ABL2: variants seen among roughly 807,000 people sequenced by gnomAD.
ABL2 encodes ABL proto-oncogene 2, non-receptor tyrosine kinase, also known as tyrosine-protein kinase ABL2.
A neutral mutation model predicts 107.7 loss-of-function variants in ABL2; 49 were observed. That is an observed-to-expected ratio of 0.45 (90% CI 0.36 to 0.58). ABL2 has a LOEUF of 0.58. Among genes scored for constraint, ABL2 ranks in the 20% least tolerant of loss-of-function variants. ABL2 has a pLI of 0.00. For missense variants in ABL2, 1,245 were observed against 1,457.0 expected (o/e 0.85, Z 2.37); for synonymous variants, 549 against 548.6 (o/e 1.00, Z -0.01).
chr1:179,133,778 C>T (rs750885036), intron 1 of ABL2, among the ~76,000 whole-genome samples: 16 of 152,316 alleles, frequency 1.1e-4, no homozygotes, highest in Middle Eastern at 3.4e-3. Flanking sequence ...CCTACACATA[C>T]ATAACCATGA....
At chr1:179,133,086 T>A (rs1466427121) in intron 2 of ABL2, among the ~76,000 whole-genome samples, 1 of 151,388 alleles carries the variant, frequency 6.6e-6, no homozygotes, top group Non-Finnish European at 1.5e-5. Context: ...CTTGAACTCC[T>A]GACCTTGTGA....
At position 179,131,468 on chromosome 1, in the gene ABL2, A is replaced by T. The variant is rs1288916561; in HGVS notation, c.234T>A (p.Arg78=). The T allele has an allele frequency of 4.3e-6, 7 of 1,613,878 alleles. No individual in the cohort carries two copies. In the East Asian group the frequency reaches 1.6e-4, roughly 36 times the overall value. The change falls in exon 3 of 12, where the codon CGT becomes CGA. Residue 78 remains arginine, a synonymous_variant. Coordinates refer to ENST00000502732, the MANE Select transcript of ABL2 (RefSeq NM_007314.4). ...TGGSSPEALH[R]PYGCDVEPQA... is the part of the protein sequence containing the mutation. ...GGGGTTCAACATCACAACCATAGGG[A>T]CGATGCAAAGCTTCTGAAAGACATA...
At chr1:179,201,785 C>A in intron 1 of ABL2, 14 of 899,182 alleles carry the variant, frequency 1.6e-5, no homozygotes, top group Non-Finnish European at 2.4e-5. Context: ...TCCACAGAAT[C>A]GGTTGAGGTG....
At chr1:179,114,427 A>C (rs1185852986) in intron 9 of ABL2, among the ~76,000 whole-genome samples, 1 of 152,188 alleles carries the variant, frequency 6.6e-6, no homozygotes, top group East Asian at 1.9e-4. Flanking sequence ...AGTGTTTGAA[A>C]AACAACAACA....
At chr1:179,160,777 T>C (rs1659013908) in intron 1 of ABL2, among the ~76,000 whole-genome samples, 1 of 152,222 alleles carries the variant, frequency 6.6e-6, no homozygotes, top group Non-Finnish European at 1.5e-5. Flanking sequence ...TATTGACATT[T>C]GGAGCCAAAT....
At chr1:179,121,181 T>C (rs1192789967) in intron 5 of ABL2, among the ~76,000 whole-genome samples, 1 of 152,112 alleles carries the variant, frequency 6.6e-6, no homozygotes, top group African/African-American at 2.4e-5. Context: ...TATTAAGAAG[T>C]GATCTAACTG....
rs1293653159 is a variant in ABL2, at chr1:179,117,433, C to G, written c.1307G>C (p.Gly436Ala). 6.2e-7 allele frequency: 1 copy of G among 1,614,042 alleles called. No homozygotes were observed. Among genetic ancestry groups the G allele is most frequent in the Non-Finnish European group, 8.5e-7 (1 of 1,180,038 alleles). Residue 436 changes from glycine to alanine, a missense_variant, in exon 8 of 12, where the codon GGA becomes GCA. Gly to Ala is a moderately conservative substitution (Grantham distance 60). Transcript: ENST00000502732. ...TCCAGCATGAGCAGTATAAGTGTCTCCAGTCATCAATCTACTTAAGCCAAA... is the reference window on the plus strand; with the variant it reads ...TCCAGCATGAGCAGTATAAGTGTCTGCAGTCATCAATCTACTTAAGCCAAA... ...ADFGLSRLMT[G>A]DTYTAHAGAK...
intron 1 of ABL2, among the ~76,000 whole-genome samples, chr1:179,228,349 AAAAAAC>A (rs1029458056): frequency 3.3e-5 from 5 of 152,208 alleles, no homozygotes; most frequent in Admixed American, 6.5e-5. Context: ...TCTGTCTCAA[AAAAAAC>A]AAAAACAAAA....
chr1:179,169,353 C>T (rs902890690), intron 1 of ABL2, among the ~76,000 whole-genome samples: 32 of 151,962 alleles, frequency 2.1e-4, no homozygotes, highest in Non-Finnish European at 4.0e-4. Context: ...TCGAGACCAT[C>T]CTGGCTAACA....
chr1:179,162,676 T>C (rs542450490), intron 1 of ABL2, among the ~76,000 whole-genome samples: 2 of 152,356 alleles, frequency 1.3e-5, no homozygotes, highest in South Asian at 4.1e-4. Context: ...GATATTCTTT[T>C]CACTAAGCAT....
chr1:179,147,592 T>C (rs1658086397), intron 1 of ABL2, among the ~76,000 whole-genome samples: 1 of 152,238 alleles, frequency 6.6e-6, no homozygotes, highest in Non-Finnish European at 1.5e-5. Context: ...GAGGTCGTTA[T>C]CCTAAGTGAA....
chr1:179,100,285 ATC>A lies in ABL2; in HGVS notation c.*7431_*7432del. 4.4e-6 allele frequency: 1 copy of A among 228,944 alleles called. No homozygotes were observed. The highest frequency in any genetic ancestry group is 6.3e-5 in the East Asian group (1 of 15,996). The allele number at this position is 228,944 out of a possible 1,614,324, so 14.2% of individuals were successfully genotyped here. On this transcript the variant is annotated 3_prime_UTR_variant, in exon 12 of 12. Coordinates refer to ENST00000502732, the MANE Select transcript of ABL2 (RefSeq NM_007314.4). ...TCTCTGGCCCTCATCTACCAGAAGC[ATC>A]TCTGTCCCCTGGCGTTCTTGCCACT...
intron 4 of ABL2, among the ~76,000 whole-genome samples, chr1:179,125,165 C>T (rs928425361): frequency 1.3e-5 from 2 of 152,110 alleles, no homozygotes; most frequent in Non-Finnish European, 2.9e-5. Flanking sequence ...TCAGCACTGC[C>T]TAGTAATAGA....
chr1:179,217,246 C>T (rs548096892), intron 1 of ABL2, among the ~76,000 whole-genome samples: 4 of 151,666 alleles, frequency 2.6e-5, no homozygotes, highest in East Asian at 2.0e-4. Flanking sequence ...CCCAAGAGGC[C>T]GAGGTTGCAG....
At chr1:179,116,386 C>CA (rs1411357610) in intron 8 of ABL2, among the ~76,000 whole-genome samples, 1 of 151,936 alleles carries the variant, frequency 6.6e-6, no homozygotes, top group Non-Finnish European at 1.5e-5. Flanking sequence ...AAAATAAAAA[C>CA]AAAAAACCTA....
chr1:179,110,926 T>C, intron 10 of ABL2: 1 of 1,584,604 alleles, frequency 6.3e-7, no homozygotes, highest in South Asian at 1.1e-5. Flanking sequence ...CTATTTTGCA[T>C]GAAAGCTGTG....
chr1:179,162,835 T>C (rs2102755966), intron 1 of ABL2, among the ~76,000 whole-genome samples: 1 of 152,324 alleles, frequency 6.6e-6, no homozygotes, highest in East Asian at 1.9e-4. Flanking sequence ...GTAATTAACT[T>C]GTCTGAGATC....
At chr1:179,200,291 C>G (rs1571305516) in intron 1 of ABL2, among the ~76,000 whole-genome samples, 1 of 152,244 alleles carries the variant, frequency 6.6e-6, no homozygotes, top group South Asian at 2.1e-4. Context: ...AGGTGATCTG[C>G]CTGCCTCAGC....
rs753133401 is a variant in ABL2 at position 179,133,351 on chromosome 1, C to A, written c.181G>T (p.Asp61Tyr). Residue 61 changes from aspartate (D) to tyrosine (Y), a missense_variant, in exon 2 of 12, where the codon GAT (aspartate) becomes TAT (tyrosine). Asp to Tyr is a radical substitution (Grantham distance 160). Around this residue, in one of 3 missense-constraint regions of ABL2, gnomAD observed 164 missense variants for 143.7 expected, o/e 1.14. Transcript: ENST00000502732. ...QHDHFASCVE[D>Y]GFEGDKTGGS... ...CCAGTCTTGTCTCCCTCAAATCCAT[C>A]CTCCACACAGCTGGCAAAGTGATCT... 6.2e-7 allele frequency: 1 copy of A among 1,614,130 alleles called. No homozygotes were observed. The highest frequency in any genetic ancestry group is 8.5e-7 in the Non-Finnish European group (1 of 1,180,026).
Sources: gnomAD v4.1 joint callset for allele counts (sites outside exome capture counted in the v4.1 genomes callset) on GRCh38, gnomAD v4.1.1 for gene constraint, gnomAD v4.1.1 regional missense constraint, MANE v1.5 for transcripts, NCBI Gene and HGNC (gene_info 2026-07-23, HGNC 2026-07-21) for gene names.